CHD1L: variants seen among roughly 807,000 people sequenced by gnomAD.
The protein encoded by CHD1L is chromodomain helicase DNA binding protein 1 like.
CHD1L carries 118 observed loss-of-function variants against 115.9 expected under a neutral mutation model. That is an observed-to-expected ratio of 1.02 (90% CI 0.88 to 1.19). The LOEUF (loss-of-function observed/expected upper bound fraction) is 1.19. CHD1L is among the 50% of genes most tolerant of loss of function. The pLI, the probability that CHD1L is intolerant of heterozygous loss-of-function variation, is 0.00. For missense variants in CHD1L, 1,179 were observed against 1,065.3 expected, an observed-to-expected ratio of 1.11 and a Z score of -1.49; for synonymous variants, 411 against 387.1, an observed-to-expected ratio of 1.06 and a Z score of -0.72.
the CHD1L span, among the ~76,000 whole-genome samples, chr1:147,222,173 T>C: frequency 6.6e-6 from 1 of 152,100 alleles, no homozygotes; most frequent in African/African-American, 2.4e-5. Context: ...AGTTCGAGAA[T>C]AGCCTGGCCA....
intron 11 of CHD1L, 21 bp from the exon 12 acceptor site, chr1:147,272,150 T>C: frequency 6.3e-7 from 1 of 1,590,466 alleles, no homozygotes; most frequent in Non-Finnish European, 8.6e-7. Context: ...AAGATTTCTG[T>C]TTTTCTTCCT....
chr1:147,178,354 G>A, the CHD1L span: 19 of 1,612,318 alleles, frequency 1.2e-5, no homozygotes, highest in Admixed American at 1.7e-5. Flanking sequence ...AGTCCCATTA[G>A]CAAAGGCTGA....
chr1:147,258,972 A>G (rs1671022243), intron 5 of CHD1L: 1 of 152,206 alleles, frequency 6.6e-6, no homozygotes, highest in Admixed American at 6.5e-5. Flanking sequence ...TTATTATTCT[A>G]TAGGCCTTTT....
At position 147,242,830 on chromosome 1, in the gene CHD1L, G is replaced by T; in HGVS notation, c.127G>T (p.Gly43Trp). The change falls in exon 1 of 23, where the codon GGG (glycine) becomes TGG (tryptophan). Residue 43 changes from glycine to tryptophan, a missense_variant and splice_region_variant. Coordinates refer to ENST00000369258, the MANE Select transcript of CHD1L (RefSeq NM_004284.6). ...EQDLRQWGLTGIHLRSYQLEG... is the reference protein window; with the variant it reads ...EQDLRQWGLTWIHLRSYQLEG... ...GGACTTACGGCAGTGGGGGCTGACA[G>T]GTGAGCGGGCTCCGGGCGGACTTCG... 1 of 1,277,380 alleles carries T rather than the reference G, an allele frequency of 7.8e-7. No individual in the cohort carries two copies. Among genetic ancestry groups the T allele is most frequent in the Non-Finnish European group, 9.9e-7 (1 of 1,005,144 alleles). The allele number at this position is 1,277,380 out of a possible 1,614,324, so 79.1% of individuals were successfully genotyped here. A position where few individuals can be genotyped will look rare whatever the true frequency, so the allele number is the denominator to read the frequency against.
chr1:147,217,261 GA>G, the CHD1L span, among the ~76,000 whole-genome samples: 21 of 150,588 alleles, frequency 1.4e-4, no homozygotes, highest in East Asian at 3.1e-3. Context: ...AAAAGAAAAA[GA>G]AAAAAAAACT....
intron 10 of CHD1L, among the ~76,000 whole-genome samples, chr1:147,269,974 G>A (rs1675512829): frequency 1.3e-5 from 2 of 152,168 alleles, no homozygotes; most frequent in South Asian, 4.1e-4. Flanking sequence ...GTTGGAGAAG[G>A]ACCTATAAAT....
Position 147,264,481 on chromosome 1 carries a change from G to C in CHD1L, c.636G>C (p.Glu212Asp). The change falls in exon 7 of 23, where the codon GAG becomes GAC. Residue 212 changes from glutamate to aspartate, a missense_variant. Glu to Asp is a conservative substitution (Grantham distance 45). Transcript: ENST00000369258. ...TGTPIQNSLQ[E>D]LYSLLSFVEP... ...CTCCCATCCAGAACAGCCTCCAAGA[G>C]CTCTACTCCCTCCTCAGTTTTGTGG... 6.2e-7 allele frequency: 1 copy of C among 1,613,936 alleles called. No individual in the cohort carries two copies.
chr1:147,248,946 C>G (rs372715277), intron 1 of CHD1L, among the ~76,000 whole-genome samples: 4 of 152,156 alleles, frequency 2.6e-5, no homozygotes, highest in African/African-American at 9.7e-5. Context: ...CTGTTATAAT[C>G]TTTGCTTCAG....
chr1:147,268,887 T>C lies in CHD1L; in HGVS notation c.1085+9T>C, dbSNP rs1675013686. ...GCATTCCTGTATTCTGGGTAGGTGG[T>C]AGGTTCACATTTGCTGCTCTGAGCT... On this transcript the variant is annotated intron_variant, in intron 10 of 22. Transcript: ENST00000369258. 4.4e-6 allele frequency: 7 copies of C among 1,604,198 alleles called. No individual in the cohort carries two copies. The highest frequency in any genetic ancestry group is 6.0e-6 in the Non-Finnish European group (7 of 1,171,704).
At chr1:147,288,347 G>GA (rs1304714956) in intron 19 of CHD1L, among the ~76,000 whole-genome samples, 113,754 of 121,958 alleles carry the variant, frequency 0.93, 53,132 homozygotes, top group Middle Eastern at 0.97. Flanking sequence ...AAAAAAAAAA[G>GA]AAAAAGAGAA....
chr1:147,201,431 C>A, the CHD1L span: 1 of 1,614,132 alleles, frequency 6.2e-7, no homozygotes, highest in Non-Finnish European at 8.5e-7. Flanking sequence ...TTCACATTTC[C>A]TTTCACTTTC....
intron 22 of CHD1L, among the ~76,000 whole-genome samples, 165 bp from the exon 23 acceptor site, chr1:147,295,263 AAAC>A (rs1416681922): frequency 2.5e-4 from 38 of 152,334 alleles, no homozygotes; most frequent in Admixed American, 9.2e-4. Context: ...AGTACTCTGA[AAAC>A]AACAGCAGCA....
At chr1:147,204,465 A>T in the CHD1L span, 24 of 1,421,900 alleles carry the variant, frequency 1.7e-5, no homozygotes, top group Non-Finnish European at 3.0e-6. Context: ...CTTCATCAAC[A>T]TCTCGAAGGT....
chr1:147,294,975 C>A (rs908374353), intron 22 of CHD1L, among the ~76,000 whole-genome samples: 1 of 152,100 alleles, frequency 6.6e-6, no homozygotes, highest in South Asian at 2.1e-4. Flanking sequence ...TTATTTTAAC[C>A]ATGAAGTCAT....
At chr1:147,253,258 G>A (rs1226237920) in intron 2 of CHD1L, among the ~76,000 whole-genome samples, 1 of 152,028 alleles carries the variant, frequency 6.6e-6, no homozygotes, top group Admixed American at 6.6e-5. Context: ...CTCCACACTT[G>A]TTTTGTAGAC....
At chr1:147,192,087 T>C in the CHD1L span, among the ~76,000 whole-genome samples, 1 of 152,176 alleles carries the variant, frequency 6.6e-6, no homozygotes, top group Non-Finnish European at 1.5e-5. Context: ...ATTTAATCTA[T>C]AAATTACCTT....
chr1:147,183,332 ACT>A, the CHD1L span, among the ~76,000 whole-genome samples: 1 of 152,254 alleles, frequency 6.6e-6, no homozygotes, highest in South Asian at 2.1e-4. Flanking sequence ...AGAATTATTC[ACT>A]GTTTGATTTA....
the CHD1L span, chr1:147,179,433 T>C: frequency 6.3e-7 from 1 of 1,594,658 alleles, no homozygotes; most frequent in South Asian, 1.1e-5. Context: ...CAGCCAATGA[T>C]GTGCCTTCTC....
At chr1:147,289,104 G>T (rs1413332097) in intron 19 of CHD1L, among the ~76,000 whole-genome samples, 1 of 152,126 alleles carries the variant, frequency 6.6e-6, no homozygotes, top group Admixed American at 6.6e-5. Flanking sequence ...TGAAAGAAGG[G>T]TTTAATGTGT....
Sources: allele counts gnomAD v4.1 joint callset (sites outside exome capture counted in the v4.1 genomes callset), GRCh38; gene constraint gnomAD v4.1.1; transcripts MANE v1.5; gene names NCBI Gene and HGNC (gene_info 2026-07-23, HGNC 2026-07-21).